KLHL32: variants seen among roughly 807,000 people sequenced by gnomAD.
KLHL32 encodes kelch like family member 32, also known as kelch-like protein 32.
A neutral mutation model predicts 64.8 loss-of-function variants in KLHL32; 35 were observed. The observed-to-expected ratio is 0.54, with a 90% CI of 0.41 to 0.72. The LOEUF is 0.72. KLHL32 is among the 30% of genes least tolerant of loss of function. The pLI, the probability that KLHL32 is intolerant of heterozygous loss-of-function variation, is 0.00. For missense variants in KLHL32, 589 were observed against 768.5 expected, an observed-to-expected ratio of 0.77 and a Z score of 2.76; for synonymous variants, 259 against 281.0, an observed-to-expected ratio of 0.92 and a Z score of 0.78.
chr6:96,905,568 G>C, the KLHL32 span, among the ~76,000 whole-genome samples: 3 of 151,998 alleles, frequency 2.0e-5, no homozygotes, highest in African/African-American at 7.3e-5. Flanking sequence ...AAATTTTCTG[G>C]TATTCAGTTT....
intron 6 of KLHL32, chr6:97,105,545 T>A: frequency 2.1e-6 from 1 of 470,758 alleles, no homozygotes; most frequent in Non-Finnish European, 4.4e-6. Context: ...CACTTGTGCC[T>A]CACAGCGTGG....
chr6:96,913,339 C>A, the KLHL32 span, among the ~76,000 whole-genome samples: 1 of 152,136 alleles, frequency 6.6e-6, no homozygotes, highest in Non-Finnish European at 1.5e-5. Context: ...CTGCAATAAC[C>A]AATCACTGTC....
At chr6:97,052,207 T>A (rs1615683) in intron 4 of KLHL32, among the ~76,000 whole-genome samples, 43,080 of 152,144 alleles carry the variant, frequency 0.28, 8,489 homozygotes, top group African/African-American at 0.55. Flanking sequence ...TGAAGTAGTC[T>A]CCTGTCTGCC....
At chr6:97,060,579 C>T (rs1051107764) in intron 4 of KLHL32, among the ~76,000 whole-genome samples, 2 of 152,094 alleles carry the variant, frequency 1.3e-5, no homozygotes, top group African/African-American at 2.4e-5. Context: ...GGATTCTGGC[C>T]CCATATTCTG....
intron 1 of KLHL32, among the ~76,000 whole-genome samples, chr6:96,965,081 A>C (rs1774306034): frequency 6.6e-6 from 1 of 152,210 alleles, no homozygotes; most frequent in Non-Finnish European, 1.5e-5. Context: ...CTTAGAAGTG[A>C]GAAGAACATG....
At chr6:97,131,033 C>A in intron 9 of KLHL32, 84 bp downstream of exon 9, 1 of 1,165,774 alleles carries the variant, frequency 8.6e-7, no homozygotes. Flanking sequence ...TAGGGCATCA[C>A]TAAATATTAA....
chr6:97,103,277 G>A (rs734836), intron 6 of KLHL32, among the ~76,000 whole-genome samples: 2,258 of 149,516 alleles, frequency 0.015, 25 homozygotes, highest in Non-Finnish European at 0.025. Flanking sequence ...GCAGTGGTGC[G>A]ATCTCAGCTC....
intron 10 of KLHL32, among the ~76,000 whole-genome samples, chr6:97,133,416 G>A (rs1034576722): frequency 4.6e-5 from 7 of 152,164 alleles, no homozygotes; most frequent in African/African-American, 1.7e-4. Context: ...ATATTGACAT[G>A]TATTAGCCCT....
chr6:97,118,054 A>G (rs1473049944), intron 7 of KLHL32, among the ~76,000 whole-genome samples: 2 of 152,208 alleles, frequency 1.3e-5, no homozygotes, highest in African/African-American at 2.4e-5. Flanking sequence ...CCTGCCCTCT[A>G]GGAGCTGGCA....
At chr6:96,928,428 G>A (rs1043794100) in intron 1 of KLHL32, among the ~76,000 whole-genome samples, 4 of 152,224 alleles carry the variant, frequency 2.6e-5, no homozygotes, top group Middle Eastern at 3.2e-3. Flanking sequence ...GAGTGCAGCA[G>A]AGGATGCAAC....
At position 97,127,413 on chromosome 6, in the gene KLHL32, C is replaced by T. The variant is rs1296434120; in HGVS notation, c.1364C>T (p.Thr455Ile). Residue 455 changes from threonine (T) to isoleucine (I), a missense_variant, in exon 8 of 11, where the codon ACT (threonine) becomes ATT (isoleucine). Thr to Ile is a moderately conservative substitution (Grantham distance 89, BLOSUM62 -1). Around this residue, in one of 3 missense-constraint regions of KLHL32, gnomAD observed 226 missense variants for 353.2 expected, o/e 0.64. Transcript: ENST00000369261. The stretch of plus-strand genomic sequence containing the variant: ...TGTTAATCCATTACAGGTGGAGTAA[C>T]TAATACGGCACAATATCAGAACAGG... ...DGLLWISGGV[T>I]NTAQYQNRLM... is the part of the protein sequence containing the mutation. The T allele has an allele frequency of 6.2e-7, 1 of 1,613,132 alleles. No homozygotes were observed. The highest frequency in any genetic ancestry group is 2.2e-5 in the East Asian group (1 of 44,840).
At chr6:97,072,021 C>T (rs1440730250) in intron 5 of KLHL32, among the ~76,000 whole-genome samples, 1 of 152,146 alleles carries the variant, frequency 6.6e-6, no homozygotes, top group Admixed American at 6.5e-5. Flanking sequence ...TGACTGTACC[C>T]CATGGACAGC....
intron 6 of KLHL32, among the ~76,000 whole-genome samples, chr6:97,086,207 T>C (rs562735803): frequency 1.3e-5 from 2 of 152,350 alleles, no homozygotes; most frequent in African/African-American, 4.8e-5. Context: ...AGTCTTCTAT[T>C]AGCTGATTAA....
intron 4 of KLHL32, among the ~76,000 whole-genome samples, chr6:97,042,544 GTGA>G (rs1785282795): frequency 6.6e-6 from 1 of 152,162 alleles, no homozygotes; most frequent in Non-Finnish European, 1.5e-5. Flanking sequence ...TGATGTAAAT[GTGA>G]TGTTCTGATA....
At chr6:97,097,060 C>T (rs1056362304) in intron 6 of KLHL32, among the ~76,000 whole-genome samples, 3 of 152,152 alleles carry the variant, frequency 2.0e-5, no homozygotes, top group Non-Finnish European at 4.4e-5. Flanking sequence ...TTTTATAACT[C>T]TGCACTGTCA....
chr6:97,062,180 A>T (rs979645576), intron 4 of KLHL32, among the ~76,000 whole-genome samples: 1 of 152,168 alleles, frequency 6.6e-6, no homozygotes. Context: ...TGGAATATTC[A>T]TCTTGTCTCT....
chr6:97,049,617 G>T (rs1476695649), intron 4 of KLHL32, among the ~76,000 whole-genome samples: 1 of 152,134 alleles, frequency 6.6e-6, no homozygotes, highest in Non-Finnish European at 1.5e-5. Flanking sequence ...TTTGAATTTT[G>T]CAGAAAGTGA....
the KLHL32 span, among the ~76,000 whole-genome samples, chr6:96,900,262 A>G: frequency 2.6e-5 from 4 of 152,200 alleles, no homozygotes; most frequent in Non-Finnish European, 5.9e-5. Context: ...GTCTAGTACA[A>G]TGCCCAGCTC....
intron 3 of KLHL32, among the ~76,000 whole-genome samples, chr6:97,018,453 C>A (rs141075853): frequency 5.4e-4 from 81 of 150,202 alleles, no homozygotes; most frequent in African/African-American, 1.9e-3. Context: ...ATTATCTGGG[C>A]GTGTTGGCGC....
Sources: allele counts gnomAD v4.1 joint callset (sites outside exome capture counted in the v4.1 genomes callset), GRCh38; gene constraint gnomAD v4.1.1; regional missense constraint gnomAD v4.1.1; transcripts MANE v1.5; gene names NCBI Gene and HGNC (gene_info 2026-07-23, HGNC 2026-07-21).